DPP10: variants seen among roughly 807,000 people sequenced by gnomAD.
The protein encoded by DPP10 is inactive dipeptidyl peptidase 10.
DPP10 carries 33 observed loss-of-function variants against 120.9 expected under a neutral mutation model. The ratio of observed to expected loss-of-function variants is 0.27; its 90% CI spans 0.21 to 0.37. The LOEUF (loss-of-function observed/expected upper bound fraction) is 0.37. Ranked by LOEUF, DPP10 falls within the 10% of genes least tolerant of loss-of-function variation. The probability of loss-of-function intolerance (pLI) is 1.00; values close to 1 mark genes in which losing one functional copy is unlikely to be tolerated. For missense variants in DPP10, 816 were observed against 942.8 expected, an observed-to-expected ratio of 0.87 and a Z score of 1.76; for synonymous variants, 337 against 326.1, an observed-to-expected ratio of 1.03 and a Z score of -0.36.
intron 1 of DPP10, among the ~76,000 whole-genome samples, chr2:115,159,194 C>T (rs965962040): frequency 6.6e-6 from 1 of 152,012 alleles, no homozygotes; most frequent in African/African-American, 2.4e-5. Flanking sequence ...CATGGTGGCT[C>T]ATGTCTGTAA....
chr2:114,913,034 A>G (rs1489704992), intron 1 of DPP10, among the ~76,000 whole-genome samples: 1 of 152,192 alleles, frequency 6.6e-6, no homozygotes, highest in East Asian at 1.9e-4. Flanking sequence ...CCAATATGAT[A>G]TGAGTACCCC....
intron 1 of DPP10, among the ~76,000 whole-genome samples, chr2:115,193,942 C>T (rs1348473220): frequency 6.6e-6 from 1 of 152,146 alleles, no homozygotes; most frequent in Admixed American, 6.5e-5. Flanking sequence ...TGTGCTCTCT[C>T]TTACGATTTG....
In DPP10 at chr2:115,565,789, GT is replaced by G. The variant is rs772616101; in HGVS notation, c.441+39829del. 1.6e-3 allele frequency among the ~76,000 whole-genome samples: 181 copies of G among 111,066 alleles called. 1 individual carries two copies. Among genetic ancestry groups the G allele is most frequent in the Middle Eastern group, 9.7e-3 (2 of 206 alleles). The allele number at this position is 111,066 out of a possible 152,430, so 72.9% of individuals were successfully genotyped here. A position where few individuals can be genotyped will look rare whatever the true frequency, so the allele number is the denominator to read the frequency against. On this transcript the variant is annotated intron_variant, in intron 5 of 25. Transcript: ENST00000410059. ...GTTTTGTTTTTTTTTGTTTTTTTTTGTTTTTTTTTTTTCTTTGATGGAGTCT... is the reference window on the plus strand; with the variant it reads ...GTTTTGTTTTTTTTTGTTTTTTTTTGTTTTTTTTTTTCTTTGATGGAGTCT...
At chr2:114,950,802 T>C (rs1287015937) in intron 1 of DPP10, among the ~76,000 whole-genome samples, 1 of 152,114 alleles carries the variant, frequency 6.6e-6, no homozygotes, top group Non-Finnish European at 1.5e-5. Flanking sequence ...TTTCAAACAC[T>C]AGAAAATAAA....
chr2:115,178,568 A>T (rs926807450), intron 1 of DPP10, among the ~76,000 whole-genome samples: 2 of 152,200 alleles, frequency 1.3e-5, no homozygotes, highest in African/African-American at 4.8e-5. Flanking sequence ...AATAAAGAAA[A>T]TAAATTGATG....
At chr2:115,360,314 A>C (rs2064682527) in intron 3 of DPP10, among the ~76,000 whole-genome samples, 1 of 151,964 alleles carries the variant, frequency 6.6e-6, no homozygotes, top group Admixed American at 6.6e-5. Flanking sequence ...GGAGGGTGTG[A>C]CTGTAGTGAA....
At chr2:115,234,044 G>T in intron 1 of DPP10, 2 of 460,706 alleles carry the variant, frequency 4.3e-6, no homozygotes, top group Non-Finnish European at 8.5e-6. Flanking sequence ...TTGAAGAAAG[G>T]GACATTTTAA....
intron 1 of DPP10, among the ~76,000 whole-genome samples, chr2:115,217,964 A>T (rs537815350): frequency 5.3e-5 from 8 of 152,224 alleles, no homozygotes; most frequent in African/African-American, 1.7e-4. Context: ...GTCATATGTT[A>T]TGTGACCTTT....
At chr2:114,705,396 T>C (rs1330201942) in intron 1 of DPP10, among the ~76,000 whole-genome samples, 2 of 152,140 alleles carry the variant, frequency 1.3e-5, no homozygotes, top group African/African-American at 2.4e-5. Flanking sequence ...GAGTAGAATA[T>C]GTAGATAAGT....
chr2:115,142,879 CTAT>C (rs991588050), intron 1 of DPP10, among the ~76,000 whole-genome samples: 1 of 152,196 alleles, frequency 6.6e-6, no homozygotes, highest in Non-Finnish European at 1.5e-5. Flanking sequence ...TAAGAGAGGC[CTAT>C]TACCCTTGCT....
At chr2:114,605,269 T>A (rs188068878) in intron 1 of DPP10, among the ~76,000 whole-genome samples, 1 of 152,180 alleles carries the variant, frequency 6.6e-6, no homozygotes, top group East Asian at 1.9e-4. Flanking sequence ...CCTTGAACAA[T>A]GCAGGTGTGA....
intron 7 of DPP10, among the ~76,000 whole-genome samples, chr2:115,697,322 A>G (rs943163534): frequency 2.0e-5 from 3 of 152,040 alleles, no homozygotes; most frequent in Non-Finnish European, 2.9e-5. Flanking sequence ...TCAACTACAT[A>G]CGCTCTATAA....
At chr2:115,752,578 C>CT (rs1678883455) in intron 10 of DPP10, among the ~76,000 whole-genome samples, 1 of 152,142 alleles carries the variant, frequency 6.6e-6, no homozygotes, top group African/African-American at 2.4e-5. Context: ...AAAATTGGGA[C>CT]TGGTCCTTGG....
intron 5 of DPP10, among the ~76,000 whole-genome samples, chr2:115,651,043 A>G (rs972840414): frequency 6.6e-6 from 1 of 151,954 alleles, no homozygotes; most frequent in Admixed American, 6.6e-5. Context: ...CCCTCTAGCA[A>G]ATTTACATGG....
At chr2:114,544,797 T>C (rs1348684573) in intron 1 of DPP10, among the ~76,000 whole-genome samples, 1 of 152,170 alleles carries the variant, frequency 6.6e-6, no homozygotes, top group East Asian at 1.9e-4. Flanking sequence ...AATTCATAGA[T>C]TGATTATTTT....
chr2:114,561,465 C>T (rs1317309909), intron 1 of DPP10, among the ~76,000 whole-genome samples: 2 of 152,120 alleles, frequency 1.3e-5, no homozygotes, highest in Non-Finnish European at 2.9e-5. Flanking sequence ...TACACATACA[C>T]ACACGACACA....
At chr2:115,779,504 T>C (rs2015365) in intron 15 of DPP10, among the ~76,000 whole-genome samples, 147,834 of 152,122 alleles carry the variant, frequency 0.97, 72,002 homozygotes, top group East Asian at 1. Context: ...TCAAAATTTG[T>C]GTCTCTTTAT....
intron 1 of DPP10, among the ~76,000 whole-genome samples, chr2:115,070,594 G>T (rs1383065413): frequency 6.6e-6 from 1 of 152,116 alleles, no homozygotes; most frequent in Non-Finnish European, 1.5e-5. Flanking sequence ...TTATTGGCAT[G>T]CTAACCTAAC....
intron 7 of DPP10, among the ~76,000 whole-genome samples, chr2:115,697,437 A>T (rs13413658): frequency 0.052 from 7,952 of 152,086 alleles, 689 homozygotes; most frequent in African/African-American, 0.18. Context: ...TTGCTATACT[A>T]ACGTAAAAAT....
Sources: allele counts gnomAD v4.1 joint callset (sites outside exome capture counted in the v4.1 genomes callset), GRCh38; gene constraint gnomAD v4.1.1; transcripts MANE v1.5; gene names NCBI Gene and HGNC (gene_info 2026-07-23, HGNC 2026-07-21).